Variants in PTPN2 observed in about 807,000 individuals in gnomAD.
PTPN2 encodes the protein protein tyrosine phosphatase non-receptor type 2.
A neutral mutation model predicts 57.3 loss-of-function variants in PTPN2; 19 were observed. The ratio of observed to expected loss-of-function variants is 0.33; its 90% confidence interval spans 0.23 to 0.49. PTPN2 has a LOEUF of 0.49. Among genes scored for constraint, PTPN2 ranks in the 20% least tolerant of loss-of-function variants. PTPN2 has a pLI of 0.99. For missense variants in PTPN2, 358 were observed against 501.1 expected (o/e 0.71, Z 2.73); for synonymous variants, 153 against 164.9 (o/e 0.93, Z 0.55).
At chr18:12,876,773 T>C (rs2044505431) in intron 1 of PTPN2, among the ~76,000 whole-genome samples, 1 of 152,184 alleles carries the variant, frequency 6.6e-6, no homozygotes, top group African/African-American at 2.4e-5. Flanking sequence ...GTACATAAAA[T>C]TTAGCAGTTT....
chr18:12,870,634 G>C (rs1409832779), intron 1 of PTPN2, among the ~76,000 whole-genome samples: 1 of 144,314 alleles, frequency 6.9e-6, no homozygotes, highest in Non-Finnish European at 1.5e-5. Context: ...TCAGCCTCCC[G>C]AGCAGCTGGG....
At chr18:12,861,960 G>T (rs1226568806) in intron 1 of PTPN2, 1 of 151,966 alleles carries the variant, frequency 6.6e-6, no homozygotes, top group African/African-American at 2.4e-5. Flanking sequence ...CAAGTTCTTG[G>T]GGTTAAGAAA....
chr18:12,878,631 TA>T (rs2044571832), intron 1 of PTPN2, among the ~76,000 whole-genome samples: 1 of 151,772 alleles, frequency 6.6e-6, no homozygotes, highest in South Asian at 2.1e-4. Flanking sequence ...GAGATCACAC[TA>T]CTGCACTCCA....
chr18:12,815,971 C>T (rs552079752), intron 6 of PTPN2, among the ~76,000 whole-genome samples: 2 of 152,188 alleles, frequency 1.3e-5, no homozygotes, highest in Non-Finnish European at 2.9e-5. Flanking sequence ...ACAGAAACAT[C>T]GAAGAGACTA....
intron 7 of PTPN2, among the ~76,000 whole-genome samples, chr18:12,808,187 GA>G (rs2041757124): frequency 6.6e-6 from 1 of 151,606 alleles, no homozygotes; most frequent in Admixed American, 6.6e-5. Flanking sequence ...ACCCTATCTC[GA>G]AAAAAATTTA....
chr18:12,856,063 GT>G (rs2043578378), intron 2 of PTPN2, among the ~76,000 whole-genome samples: 2 of 152,212 alleles, frequency 1.3e-5, no homozygotes, highest in Non-Finnish European at 2.9e-5. Flanking sequence ...GATTTCAGAG[GT>G]GAAGATGACT....
chr18:12,812,513 C>G (rs1334523088), intron 7 of PTPN2, among the ~76,000 whole-genome samples: 1 of 152,044 alleles, frequency 6.6e-6, no homozygotes, highest in African/African-American at 2.4e-5. Context: ...TGGGGAGAAC[C>G]ACTTGAACCT....
At chr18:12,848,272 TTAA>T (rs2043280031) in intron 2 of PTPN2, among the ~76,000 whole-genome samples, 2 of 152,368 alleles carry the variant, frequency 1.3e-5, no homozygotes, top group South Asian at 2.1e-4. Context: ...AAAATGTTTC[TTAA>T]TAATTCTTTG....
At chr18:12,872,057 A>AC (rs1261065517) in intron 1 of PTPN2, among the ~76,000 whole-genome samples, 3 of 78,912 alleles carry the variant, frequency 3.8e-5, no homozygotes, top group South Asian at 2.9e-4. Flanking sequence ...TCAAAAAAAA[A>AC]ACAAAAAAAC....
intron 1 of PTPN2, among the ~76,000 whole-genome samples, chr18:12,860,698 G>A (rs1254791868): frequency 2.0e-5 from 3 of 152,174 alleles, no homozygotes; most frequent in South Asian, 2.1e-4. Flanking sequence ...GGAGGCGGAG[G>A]CTGCAGTGAG....
intron 5 of PTPN2, among the ~76,000 whole-genome samples, chr18:12,823,555 T>C (rs982072246): frequency 6.6e-6 from 1 of 151,930 alleles, no homozygotes; most frequent in Admixed American, 6.6e-5. Flanking sequence ...CACACCTGTA[T>C]TCCCAGCTAC....
At chr18:12,870,124 T>A (rs1268864482) in intron 1 of PTPN2, among the ~76,000 whole-genome samples, 1 of 150,652 alleles carries the variant, frequency 6.6e-6, no homozygotes, top group Non-Finnish European at 1.5e-5. Flanking sequence ...CCCTACTGTG[T>A]GTCAGGCATG....
chr18:12,838,053 T>C (rs559979165), intron 2 of PTPN2, among the ~76,000 whole-genome samples: 6 of 152,182 alleles, frequency 3.9e-5, no homozygotes, highest in South Asian at 4.1e-4. Context: ...TTATGTAAAA[T>C]AGTAAAAAGG....
chr18:12,788,872 T>C (rs1237887350), downstream of PTPN2, among the ~76,000 whole-genome samples: 3 of 152,128 alleles, frequency 2.0e-5, no homozygotes, highest in Non-Finnish European at 2.9e-5. Context: ...GTGCTAAATA[T>C]TCAGAAAATT....
intron 1 of PTPN2, chr18:12,863,394 G>GACTGCAGTGAGCTAGCATCCTGCT (rs2043880265): frequency 6.6e-6 from 1 of 152,016 alleles, no homozygotes; most frequent in African/African-American, 2.4e-5. Flanking sequence ...AGGAGTTCAA[G>GACTGCAGTGAGCTAGCATCCTGCT]ACTGCAGTGA....
chr18:12,814,354 A>G lies in PTPN2; in HGVS notation c.707T>C (p.Met236Thr). ...TATGTTAATATCATCTCCTTTTTCC[A>G]TCTGCAAGAAAGGCAAAAAATGAGA... is the stretch of plus-strand genomic sequence containing the variant. ...FSLVDTCLVL[M>T]EKGDDINIKQ... The change falls in exon 7 of 9, where the codon ATG becomes ACG. Residue 236 changes from methionine to threonine, a missense_variant and splice_region_variant. Coordinates refer to ENST00000309660, the MANE Select transcript of PTPN2 (RefSeq NM_002828.4). 1 of 1,580,240 alleles carries G rather than the reference A, an allele frequency of 6.3e-7. No individual in the cohort carries two copies.
In PTPN2 at chr18:12,817,359, C is replaced by T. The variant is rs1254988153; in HGVS notation, c.502G>A (p.Glu168Lys). The T allele has an allele frequency of 6.2e-7, 1 of 1,612,752 alleles. No individual in the cohort carries two copies. Among genetic ancestry groups the T allele is most frequent in the East Asian group, 2.2e-5 (1 of 44,884 alleles). The stretch of plus-strand genomic sequence containing the variant: ...TGAAAGTGAGATATTGTTCTGGTTT[C>T]ACCACTCTAAAAAGTGAAAATCAAG... ...LLQLENINSGETRTISHFHYT... is the reference protein window; with the variant it reads ...LLQLENINSGKTRTISHFHYT... The change falls in exon 6 of 9, where the codon GAA becomes AAA. Residue 168 changes from glutamate (E) to lysine (K), a missense_variant. By Grantham distance (56) the Glu-to-Lys change is moderately conservative. Transcript: ENST00000309660.
chr18:12,844,301 G>A (rs1211593756), intron 2 of PTPN2, among the ~76,000 whole-genome samples: 1 of 152,222 alleles, frequency 6.6e-6, no homozygotes, highest in African/African-American at 2.4e-5. Context: ...AAATGCCCAG[G>A]AGTGCAAGTG....
In PTPN2 at chr18:12,815,120, AT is replaced by A. The variant is rs1249569390; in HGVS notation, c.706-766del. On this transcript the variant is annotated intron_variant, in intron 6 of 8. Coordinates refer to ENST00000309660, the MANE Select transcript of PTPN2 (RefSeq NM_002828.4). Reference sequence around the variant, plus strand: ...AATAAATAAATAAATAAATAAATAAATAAATAAATAAATAAAAATGTGGTGG... The same window carrying A: ...AATAAATAAATAAATAAATAAATAAAAAATAAATAAATAAAAATGTGGTGG... 6.1e-4 allele frequency among the ~76,000 whole-genome samples: 69 copies of A among 113,812 alleles called. 1 individual carries two copies. The highest frequency in any genetic ancestry group is 1.2e-3 in the Admixed American group (13 of 10,522). 74.7% of individuals were successfully genotyped at this position (113,812 alleles called of 152,430 possible). A position where few individuals can be genotyped will look rare whatever the true frequency, so the allele number is the denominator to read the frequency against.
Sources: allele counts gnomAD v4.1 joint callset (sites outside exome capture counted in the v4.1 genomes callset), GRCh38; gene constraint gnomAD v4.1.1; transcripts MANE v1.5; gene names NCBI Gene and HGNC (gene_info 2026-07-23, HGNC 2026-07-21).